The following CYB5R3 variants were observed in gnomAD, a reference collection of about 807,000 sequenced individuals.
CYB5R3 encodes NADH-cytochrome b5 reductase 3.
A neutral mutation model predicts 36.5 loss-of-function variants in CYB5R3; 28 were observed. The observed-to-expected ratio is 0.77, with a 90% CI of 0.57 to 1.05. CYB5R3 has a LOEUF of 1.05. Among genes scored for constraint, CYB5R3 ranks in the 50% least tolerant of loss-of-function variants. The probability of loss-of-function intolerance (pLI) is 0.00; values close to 1 mark genes in which losing one functional copy is unlikely to be tolerated. For synonymous variants in CYB5R3, 181 were observed against 159.8 expected (o/e 1.13, Z -1.00); for missense variants, 474 against 408.9 (o/e 1.16, Z -1.37).
rs1929454006 is a variant in CYB5R3, at chr22:42,644,650, A to T, written c.21+4645T>A. On this transcript the variant is annotated intron_variant, in intron 1 of 8. Transcript: ENST00000352397. ...GTACTATTCCGAGGATTCCTCTGCT[A>T]TCGACCTCTCCCTCAGTCACAGAAA... 2.1e-6 allele frequency: 3 copies of T among 1,426,236 alleles called. No individual in the cohort carries two copies. The South Asian group carries it at 4.7e-5, about 22-fold the overall frequency. The allele number at this position is 1,426,236 out of a possible 1,614,324, so 88.3% of individuals were successfully genotyped here.
Position 42,627,359 on chromosome 22 carries a change from G to A in CYB5R3, c.578C>T (p.Ala193Val). 1 of 1,613,908 alleles carries A rather than the reference G, an allele frequency of 6.2e-7. No individual in the cohort carries two copies. Among genetic ancestry groups the A allele is most frequent in the Non-Finnish European group, 8.5e-7 (1 of 1,179,980 alleles). The change falls in exon 7 of 9, where the codon GCC (alanine) becomes GTC (valine). Residue 193 changes from alanine (A) to valine (V), a missense_variant. Coordinates refer to ENST00000352397, the MANE Select transcript of CYB5R3 (RefSeq NM_000398.7). ...GITPMLQVIR[A>V]IMKDPDDHTV... ...GTGGTCATCAGGGTCCTTCATGATG[G>A]CGCGGATCACCTGCAGCATCGGGGT...
In CYB5R3 at chr22:42,636,706, G is replaced by A. The variant is rs768931059; in HGVS notation, c.153+9C>T. ...TGCTGACGAGGCAGCGGCGGCGGCC[G>A]GCACTCACCTCCCGGTCGATGAGCC... On this transcript the variant is annotated intron_variant, in intron 2 of 8. Coordinates refer to ENST00000352397, the MANE Select transcript of CYB5R3 (RefSeq NM_000398.7). 36 of 1,610,126 alleles carry A rather than the reference G, an allele frequency of 2.2e-5. No homozygotes were observed. The highest frequency in any genetic ancestry group is 4.4e-5 in the South Asian group (4 of 90,960).
chr22:42,631,781 T>G, intron 2 of CYB5R3: 1 of 413,244 alleles, frequency 2.4e-6, no homozygotes, highest in Non-Finnish European at 4.5e-6. Flanking sequence ...ATCTCTGCCA[T>G]CAGCTCAAGC....
intron 2 of CYB5R3, among the ~76,000 whole-genome samples, chr22:42,636,180 G>C (rs538415617): frequency 6.6e-6 from 1 of 152,080 alleles, no homozygotes; most frequent in Non-Finnish European, 1.5e-5. Context: ...TCGCACCACT[G>C]CACTCCAGCC....
Position 42,627,407 on chromosome 22 carries a change from GGGCCTC to G in CYB5R3, c.548-24_548-19del. ...GGTGATGCCTGCAAAATAGCCGGCC[GGGCCTC>G]GCACGTGCTGAGCGAGGCCTGTTCA... On this transcript the variant is annotated intron_variant, in intron 6 of 8. Coordinates refer to ENST00000352397, the MANE Select transcript of CYB5R3 (RefSeq NM_000398.7). 1 of 1,611,968 alleles carries G rather than the reference GGGCCTC, an allele frequency of 6.2e-7. No individual in the cohort carries two copies.
chr22:42,646,097 T>G (rs1430454794), intron 1 of CYB5R3, among the ~76,000 whole-genome samples: 1 of 152,128 alleles, frequency 6.6e-6, no homozygotes, highest in Non-Finnish European at 1.5e-5. Context: ...TGCCCCGTCC[T>G]CGTCCACAGC....
rs182044520 is a variant in CYB5R3, at chr22:42,619,528, G to A, written c.*245C>T. ...CATGAGGACAGGGATGGGGCTGGGCGTCTCTGGTAAGGACCAGTAAGTGCC... is the reference window on the plus strand; with the variant it reads ...CATGAGGACAGGGATGGGGCTGGGCATCTCTGGTAAGGACCAGTAAGTGCC... On this transcript the variant is annotated 3_prime_UTR_variant, in exon 9 of 9. Transcript: ENST00000352397. The A allele has an allele frequency of 8.0e-4, 455 of 569,156 alleles. 2 individuals carry two copies. Among genetic ancestry groups the A allele is most frequent in the African/African-American group, 7.6e-3 (404 of 53,268 alleles). The allele number at this position is 569,156 out of a possible 1,614,324, so 35.3% of individuals were successfully genotyped here. A position where few individuals can be genotyped will look rare whatever the true frequency, so the allele number is the denominator to read the frequency against.
Position 42,646,973 on chromosome 22 carries a change from G to A in CYB5R3, c.21+2322C>T, listed in dbSNP as rs939402069. ...TCAGGATGGCAGACCAAGCTCCAAT[G>A]TTTTCCCAGTGTGGCTGGCAGACTC... is the stretch of plus-strand genomic sequence containing the variant. On this transcript the variant is annotated intron_variant, in intron 1 of 8. Transcript: ENST00000352397. 8 of 985,388 alleles carry A rather than the reference G, an allele frequency of 8.1e-6. No individual in the cohort carries two copies. The African/African-American group carries it at 8.7e-5, about 11-fold the overall frequency. 61.0% of individuals were successfully genotyped at this position (985,388 alleles called of 1,614,324 possible).
chr22:42,635,937 G>A (rs8190421), intron 2 of CYB5R3, among the ~76,000 whole-genome samples: 19,076 of 152,206 alleles, frequency 0.13, 1,316 homozygotes, highest in Middle Eastern at 0.2. Context: ...GAGTCAGGCC[G>A]GGCACCACGG....
intron 7 of CYB5R3, 121 bp downstream of exon 7, chr22:42,627,183 C>G: frequency 2.3e-6 from 2 of 854,076 alleles, no homozygotes; most frequent in Non-Finnish European, 3.9e-6. Flanking sequence ...CAGGGCCCCC[C>G]ATCCCGGTCA....
intron 8 of CYB5R3, among the ~76,000 whole-genome samples, chr22:42,623,431 T>C (rs1928089824): frequency 6.6e-6 from 1 of 152,124 alleles, no homozygotes; most frequent in Non-Finnish European, 1.5e-5. Flanking sequence ...GTATGCACGC[T>C]GGGATGTGGA....
rs1303744486 is a variant in CYB5R3 at position 42,619,902 on chromosome 22, C to A, written c.777G>T (p.Arg259=). 6.2e-7 allele frequency: 1 copy of A among 1,608,078 alleles called. No individual in the cohort carries two copies. Among genetic ancestry groups the A allele is most frequent in the East Asian group, 2.2e-5 (1 of 44,682 alleles). Residue 259 remains arginine, a synonymous_variant, in exon 9 of 9, where the codon CGG becomes CGT. Coordinates refer to ENST00000352397, the MANE Select transcript of CYB5R3 (RefSeq NM_000398.7). Reference sequence around the variant, plus strand: ...CCTCCTCTGGGGGTGGAAGGTGGTCCCGGATCATCTCCTCATTCACGAAGC... The same window carrying A: ...CCTCCTCTGGGGGTGGAAGGTGGTCACGGATCATCTCCTCATTCACGAAGC... ...GQGFVNEEMI[R]DHLPPPEEEP... is the part of the protein sequence containing the mutation.
At chr22:42,625,019 G>A (rs1323278792) in intron 7 of CYB5R3, among the ~76,000 whole-genome samples, 1 of 152,192 alleles carries the variant, frequency 6.6e-6, no homozygotes, top group Non-Finnish European at 1.5e-5. Context: ...CAGTTTCTGA[G>A]GGTGGGAGGC....
intron 5 of CYB5R3, 133 bp downstream of exon 5, chr22:42,628,019 A>G: frequency 7.6e-7 from 1 of 1,313,186 alleles, no homozygotes; most frequent in Admixed American, 1.7e-5. Context: ...CTCAGTTCCC[A>G]GAGAGGGACA....
chr22:42,643,696 A>C (rs1006355582), intron 1 of CYB5R3, among the ~76,000 whole-genome samples: 2 of 151,854 alleles, frequency 1.3e-5, no homozygotes, highest in African/African-American at 4.8e-5. Flanking sequence ...CCACCCATTT[A>C]ATCAGCATGG....
intron 2 of CYB5R3, 118 bp downstream of exon 2, chr22:42,636,597 A>G (rs1928904181): frequency 2.0e-6 from 3 of 1,486,334 alleles, no homozygotes; most frequent in Non-Finnish European, 2.7e-6. Context: ...TGCTTTCTCC[A>G]TCTGTAAAAT....
intron 1 of CYB5R3, among the ~76,000 whole-genome samples, chr22:42,638,809 G>A (rs1929062139): frequency 6.7e-6 from 1 of 150,336 alleles, no homozygotes; most frequent in Non-Finnish European, 1.5e-5. Context: ...GAGGCGGGGG[G>A]ATCATCTGAG....
chr22:42,626,362 C>T (rs879706781), intron 7 of CYB5R3, among the ~76,000 whole-genome samples: 4 of 152,122 alleles, frequency 2.6e-5, no homozygotes, highest in Non-Finnish European at 5.9e-5. Flanking sequence ...TCAGCACTTC[C>T]CACGAGACAT....
chr22:42,638,802 G>A (rs1231647835), intron 1 of CYB5R3, among the ~76,000 whole-genome samples: 2 of 149,066 alleles, frequency 1.3e-5, no homozygotes, highest in Admixed American at 1.4e-4. Context: ...GGAGGCTGAG[G>A]CGGGGGGATC....
Sources: allele counts gnomAD v4.1 joint callset (sites outside exome capture counted in the v4.1 genomes callset), GRCh38; gene constraint gnomAD v4.1.1; transcripts MANE v1.5; gene names NCBI Gene and HGNC (gene_info 2026-07-23, HGNC 2026-07-21).